The following NLK variants were observed in gnomAD, a reference collection of about 807,000 sequenced individuals.
NLK encodes the protein nemo like kinase.
NLK carries 11 observed loss-of-function variants against 59.0 expected under a neutral mutation model. The ratio of observed to expected loss-of-function variants is 0.19; its 90% CI spans 0.12 to 0.31. The LOEUF (loss-of-function observed/expected upper bound fraction) is 0.31, where lower values mean the gene tolerates loss of function less well. Among genes scored for constraint, NLK ranks in the 10% least tolerant of loss-of-function variants. The pLI, the probability that NLK is intolerant of heterozygous loss-of-function variation, is 1.00. For missense variants in NLK, 410 were observed against 661.1 expected (o/e 0.62, Z 4.16); for synonymous variants, 235 against 235.9 (o/e 1.00, Z 0.03).
chr17:28,161,578 G>A (rs967019697), intron 4 of NLK, among the ~76,000 whole-genome samples: 1 of 152,146 alleles, frequency 6.6e-6, no homozygotes. Context: ...AGTTTTCAAC[G>A]GAATAGGAAT....
chr17:28,155,403 C>G (rs1907660209), intron 3 of NLK, among the ~76,000 whole-genome samples: 1 of 152,124 alleles, frequency 6.6e-6, no homozygotes, highest in Admixed American at 6.5e-5. Context: ...CTAGAAATAC[C>G]ATTTGACCCA....
At chr17:28,165,905 T>TA (rs1478126603) in intron 5 of NLK, among the ~76,000 whole-genome samples, 2 of 152,148 alleles carry the variant, frequency 1.3e-5, no homozygotes, top group Non-Finnish European at 2.9e-5. Flanking sequence ...GGCCAAGTAA[T>TA]AGAGTTTTTA....
the NLK span, among the ~76,000 whole-genome samples, chr17:28,202,246 A>T: frequency 4.5e-3 from 684 of 152,306 alleles, 3 homozygotes; most frequent in African/African-American, 0.015. Flanking sequence ...AAATTTTTTT[A>T]AAAATTAGCT....
chr17:28,097,682 A>G (rs997062840), intron 1 of NLK, among the ~76,000 whole-genome samples: 3 of 152,150 alleles, frequency 2.0e-5, no homozygotes, highest in South Asian at 2.1e-4. Flanking sequence ...TTATAGTAGT[A>G]TAAGGCATCT....
intron 1 of NLK, among the ~76,000 whole-genome samples, chr17:28,053,783 A>G (rs529153438): frequency 6.6e-6 from 1 of 152,340 alleles, no homozygotes; most frequent in East Asian, 1.9e-4. Flanking sequence ...TTACATAAGC[A>G]GGTGATTTTT....
intron 1 of NLK, among the ~76,000 whole-genome samples, chr17:28,116,725 A>T (rs1166859760): frequency 6.6e-6 from 1 of 152,300 alleles, no homozygotes; most frequent in Non-Finnish European, 1.5e-5. Context: ...TATAAACCTA[A>T]TGTGCAACAA....
At chr17:28,098,337 A>G (rs1413813090) in intron 1 of NLK, among the ~76,000 whole-genome samples, 1 of 152,248 alleles carries the variant, frequency 6.6e-6, no homozygotes, top group Admixed American at 6.5e-5. Flanking sequence ...GGGTAGCCTC[A>G]TATACCCAAG....
chr17:28,171,138 G>T (rs972424857), intron 6 of NLK: 1 of 152,168 alleles, frequency 6.6e-6, no homozygotes, highest in Non-Finnish European at 1.5e-5. Flanking sequence ...TAGTGTGGTT[G>T]TTAGAGATCC....
At chr17:28,056,273 T>G (rs1909439768) in intron 1 of NLK, among the ~76,000 whole-genome samples, 1 of 152,216 alleles carries the variant, frequency 6.6e-6, no homozygotes, top group Admixed American at 6.5e-5. Context: ...GAGCTCTGCC[T>G]CAAAGAAACT....
intron 1 of NLK, among the ~76,000 whole-genome samples, chr17:28,065,223 AT>A (rs1909787973): frequency 6.6e-6 from 1 of 152,150 alleles, no homozygotes. Context: ...ACATTATGTT[AT>A]GAATGGTACC....
At position 28,043,074 on chromosome 17, in the gene NLK, C is replaced by G. The variant is rs769633651; in HGVS notation, c.201C>G (p.His67Gln). 17 of 1,569,284 alleles carry G rather than the reference C, an allele frequency of 1.1e-5. No homozygotes were observed. The highest frequency in any genetic ancestry group is 1.5e-5 in the Non-Finnish European group (17 of 1,156,542). Residue 67 changes from histidine to glutamine, a missense_variant, in exon 1 of 11, where the codon CAC (histidine) becomes CAG (glutamine). Transcript: ENST00000407008. ...CCGCTGTACACCCTGTACAGCAGCA[C>G]ACCTCTTCGGCAGCTGCGGCAGCCG... ...SAAAVHPVQQ[H>Q]TSSAAAAAAA...
chr17:28,118,529 C>CAT (rs753300459), intron 1 of NLK, among the ~76,000 whole-genome samples: 1 of 152,164 alleles, frequency 6.6e-6, no homozygotes, highest in Non-Finnish European at 1.5e-5. Flanking sequence ...ATTTTAGTGG[C>CAT]TGAGAAAGTA....
At chr17:28,198,058 A>G (rs569545805), downstream of NLK, among the ~76,000 whole-genome samples, 4 of 152,230 alleles carry the variant, frequency 2.6e-5, no homozygotes, top group Non-Finnish European at 5.9e-5. Context: ...GGGATGATAA[A>G]TTACAGCAGC....
chr17:28,150,351 G>A (rs962893381), intron 3 of NLK, among the ~76,000 whole-genome samples: 1 of 152,170 alleles, frequency 6.6e-6, no homozygotes, highest in Non-Finnish European at 1.5e-5. Flanking sequence ...AATTGGATTA[G>A]CAGACCTATA....
intron 1 of NLK, among the ~76,000 whole-genome samples, chr17:28,067,341 A>G (rs1359952900): frequency 6.6e-6 from 1 of 152,110 alleles, no homozygotes; most frequent in Non-Finnish European, 1.5e-5. Flanking sequence ...CTATTCATTT[A>G]TTGAAGTTTT....
intron 3 of NLK, among the ~76,000 whole-genome samples, chr17:28,151,993 T>C (rs1295302282): frequency 6.6e-6 from 1 of 152,232 alleles, no homozygotes; most frequent in Non-Finnish European, 1.5e-5. Context: ...TGAATACCTT[T>C]TCAGTTTTTT....
intron 7 of NLK, among the ~76,000 whole-genome samples, chr17:28,184,079 TC>T (rs1007624688): frequency 6.6e-6 from 1 of 152,222 alleles, no homozygotes; most frequent in Admixed American, 6.5e-5. Flanking sequence ...CCTCCCTGCT[TC>T]ACAGAAGTCA....
intron 2 of NLK, among the ~76,000 whole-genome samples, chr17:28,131,759 C>T (rs1597699707): frequency 6.6e-6 from 1 of 151,970 alleles, no homozygotes; most frequent in Non-Finnish European, 1.5e-5. Context: ...GTTTTGATGG[C>T]GGAAGTTACA....
At chr17:28,143,231 A>G (rs188792269) in intron 3 of NLK, among the ~76,000 whole-genome samples, 1 of 152,048 alleles carries the variant, frequency 6.6e-6, no homozygotes, top group Non-Finnish European at 1.5e-5. Flanking sequence ...TTTAATAGAT[A>G]CAGGATTTCA....
Sources: gnomAD v4.1 joint callset for allele counts (sites outside exome capture counted in the v4.1 genomes callset) on GRCh38, gnomAD v4.1.1 for gene constraint, MANE v1.5 for transcripts, NCBI Gene and HGNC (gene_info 2026-07-23, HGNC 2026-07-21) for gene names.